The following OCA2 variants were observed in gnomAD, a reference collection of about 807,000 sequenced individuals.
OCA2 encodes the protein OCA2 melanosomal transmembrane protein.
In OCA2, 77 loss-of-function variants were observed where a neutral mutation model predicts 100.2. That is an observed-to-expected ratio of 0.77 (90% CI 0.64 to 0.93). OCA2 has a LOEUF of 0.93. Among genes scored for constraint, OCA2 ranks in the 40% least tolerant of loss-of-function variants. The pLI, the probability that OCA2 is intolerant of heterozygous loss-of-function variation, is 0.00. For synonymous variants in OCA2, 432 were observed against 439.2 expected (o/e 0.98, Z 0.21); for missense variants, 1,062 against 1,089.1 (o/e 0.98, Z 0.35).
intron 11 of OCA2, among the ~76,000 whole-genome samples, chr15:27,987,405 T>G (rs963356774): frequency 2.0e-5 from 3 of 152,188 alleles, no homozygotes; most frequent in African/African-American, 7.2e-5. Context: ...GTTCAGATCC[T>G]GATTCTGCCA....
At chr15:27,846,043 G>A (rs1228048846) in intron 22 of OCA2, among the ~76,000 whole-genome samples, 23 of 152,126 alleles carry the variant, frequency 1.5e-4, no homozygotes, top group Non-Finnish European at 8.8e-5. Flanking sequence ...AACCATTCTG[G>A]CTCCAAAGGA....
intron 21 of OCA2, among the ~76,000 whole-genome samples, chr15:27,857,112 C>T (rs866311617): frequency 1.3e-5 from 2 of 152,104 alleles, no homozygotes; most frequent in South Asian, 2.1e-4. Context: ...TCAATAACTA[C>T]AGGAAACCAT....
At chr15:28,020,555 G>T (rs926536851) in intron 6 of OCA2, among the ~76,000 whole-genome samples, 1 of 152,108 alleles carries the variant, frequency 6.6e-6, no homozygotes, top group African/African-American at 2.4e-5. Context: ...CTTCATGAGG[G>T]GGGCCAGGAA....
At chr15:27,989,774 G>T in intron 10 of OCA2, 108 bp from the exon 11 acceptor site, 1 of 991,312 alleles carries the variant, frequency 1.0e-6, no homozygotes, top group Non-Finnish European at 1.6e-6. Flanking sequence ...GGCGGGCCAG[G>T]GTTGGAAATC....
At chr15:27,963,114 T>C (rs894709120) in intron 15 of OCA2, among the ~76,000 whole-genome samples, 3 of 152,180 alleles carry the variant, frequency 2.0e-5, no homozygotes, top group African/African-American at 7.2e-5. Flanking sequence ...GCCCTAATAG[T>C]AAACTTTTAA....
At chr15:27,783,104 C>T (rs1284195277) in intron 23 of OCA2, among the ~76,000 whole-genome samples, 2 of 152,324 alleles carry the variant, frequency 1.3e-5, no homozygotes, top group East Asian at 1.9e-4. Flanking sequence ...TTGTGATAAT[C>T]TATGACTATT....
Position 28,028,031 on chromosome 15 carries a change from C to A in OCA2, c.355G>T (p.Glu119Ter). The A allele has an allele frequency of 6.2e-7, 1 of 1,614,226 alleles. No homozygotes were observed. The highest frequency in any genetic ancestry group is 1.7e-5 in the Admixed American group (1 of 60,030). ...GSRCIPVYHPEFITAEESWED... is the reference protein window; with the variant it reads ...GSRCIPVYHP ...CAAGACTCTTCAGCAGTGATGAACT[C>A]TGGATGGTAAACAGGTATGCACCGT... The change falls in exon 4 of 24, where the codon GAG (glutamate) becomes TAG (stop). Residue 119 changes from glutamate (E) to a stop codon, truncating the protein, a stop_gained. Transcript: ENST00000354638. LOFTEE classifies it high-confidence loss of function.
At chr15:27,993,208 T>C (rs1595781139) in intron 9 of OCA2, among the ~76,000 whole-genome samples, 1 of 152,334 alleles carries the variant, frequency 6.6e-6, no homozygotes, top group East Asian at 1.9e-4. Context: ...AACTAATTTT[T>C]ATTGAGCACC....
chr15:27,826,566 T>C (rs775356762), intron 23 of OCA2, among the ~76,000 whole-genome samples: 19 of 152,186 alleles, frequency 1.2e-4, no homozygotes, highest in Admixed American at 9.2e-4. Flanking sequence ...TTTCTCAGCA[T>C]GTGGTGACTC....
chr15:28,082,669 A>G (rs1160501019), intron 1 of OCA2, among the ~76,000 whole-genome samples: 1 of 152,246 alleles, frequency 6.6e-6, no homozygotes, highest in Admixed American at 6.5e-5. Flanking sequence ...TGAAATAAAT[A>G]TGTATAAATT....
chr15:27,899,254 C>T (rs192148960), intron 19 of OCA2, among the ~76,000 whole-genome samples: 26 of 152,226 alleles, frequency 1.7e-4, no homozygotes, highest in Middle Eastern at 6.8e-3. Flanking sequence ...TTTCTGACCT[C>T]CAAAAATGTA....
chr15:27,871,780 C>T, intron 20 of OCA2, 83 bp downstream of exon 20: 1 of 1,005,748 alleles, frequency 9.9e-7, no homozygotes, highest in Non-Finnish European at 1.6e-6. Context: ...CCTGTTCTTA[C>T]CAGAGTGCTT....
intron 18 of OCA2, among the ~76,000 whole-genome samples, chr15:27,937,986 A>G (rs1363457561): frequency 6.6e-6 from 1 of 152,214 alleles, no homozygotes; most frequent in African/African-American, 2.4e-5. Context: ...GCTGAGTCAC[A>G]AATATAAATA....
chr15:27,905,386 C>T (rs2038136598), intron 19 of OCA2, among the ~76,000 whole-genome samples: 2 of 152,212 alleles, frequency 1.3e-5, no homozygotes, highest in African/African-American at 4.8e-5. Context: ...AAACCCCCAG[C>T]CTGCTCTCTC....
chr15:27,956,836 C>T (rs2040238455), intron 16 of OCA2, among the ~76,000 whole-genome samples: 1 of 152,210 alleles, frequency 6.6e-6, no homozygotes, highest in African/African-American at 2.4e-5. Context: ...ACAGACCAGA[C>T]CTTGAGACAC....
intron 23 of OCA2, among the ~76,000 whole-genome samples, chr15:27,764,700 T>C (rs2151005300): frequency 6.6e-6 from 1 of 152,238 alleles, no homozygotes; most frequent in East Asian, 1.9e-4. Context: ...CATTCACCCT[T>C]ACTGAAAACA....
chr15:27,850,461 T>C (rs938652448), intron 22 of OCA2, among the ~76,000 whole-genome samples: 5 of 152,190 alleles, frequency 3.3e-5, no homozygotes, highest in Admixed American at 6.5e-5. Flanking sequence ...TGATGTTAAA[T>C]GTAGCTCTGC....
intron 23 of OCA2, among the ~76,000 whole-genome samples, chr15:27,828,575 TC>T (rs2151302667): frequency 6.6e-6 from 1 of 152,292 alleles, no homozygotes; most frequent in East Asian, 1.9e-4. Context: ...GTTCTTGAGG[TC>T]CTGTTGAGTG....
chr15:28,015,753 A>G (rs188948125), intron 8 of OCA2, among the ~76,000 whole-genome samples: 114 of 152,370 alleles, frequency 7.5e-4, no homozygotes, highest in African/African-American at 2.5e-3. Context: ...TAACACACCA[A>G]GCAAGAGTAC....
Sources: gnomAD v4.1 joint callset for allele counts (sites outside exome capture counted in the v4.1 genomes callset) on GRCh38, gnomAD v4.1.1 for gene constraint, MANE v1.5 for transcripts, NCBI Gene and HGNC (gene_info 2026-07-23, HGNC 2026-07-21) for gene names.